Variants in COMMD1 observed in about 807,000 individuals in gnomAD.
COMMD1 encodes the protein COMM domain-containing protein 1.
In COMMD1, 10 loss-of-function variants were observed where a neutral mutation model predicts 17.2. That is an observed-to-expected ratio of 0.58 (90% CI 0.36 to 0.99). The LOEUF (loss-of-function observed/expected upper bound fraction) is 0.99, where lower values mean the gene tolerates loss of function less well. COMMD1 is among the 50% of genes least tolerant of loss of function. COMMD1 has a pLI of 0.01. For missense variants in COMMD1, 270 were observed against 231.8 expected (o/e 1.17, Z -1.07); for synonymous variants, 97 against 91.6 (o/e 1.06, Z -0.34).
intron 2 of COMMD1, among the ~76,000 whole-genome samples, chr2:62,104,282 A>T (rs1277752243): frequency 6.6e-6 from 1 of 152,200 alleles, no homozygotes; most frequent in Non-Finnish European, 1.5e-5. Flanking sequence ...ACTTGAGGCC[A>T]GGAGCTCACA....
intron 2 of COMMD1, among the ~76,000 whole-genome samples, chr2:62,022,413 TAGCATGAGTCTTCTAATA>T (rs1669634244): frequency 6.6e-6 from 1 of 151,424 alleles, no homozygotes. Context: ...TTAGATATTT[TAGCATGAGTCTTCTAATA>T]TTATTTACCG....
At chr2:62,097,323 G>A (rs113752688) in intron 2 of COMMD1, among the ~76,000 whole-genome samples, 3,685 of 152,152 alleles carry the variant, frequency 0.024, 122 homozygotes, top group African/African-American at 0.069. Flanking sequence ...TCAGGTCTTC[G>A]GGGCTATTGC....
chr2:62,041,218 G>A lies in COMMD1; in HGVS notation c.462+40236G>A, dbSNP rs552177159. On this transcript the variant is annotated intron_variant, in intron 2 of 2. Transcript: ENST00000311832. ...TTTCAGACTGGAACTTCTTTAATTC[G>A]TGGCTTTAGTTTATTTTAAATTAAT... Among the ~76,000 whole-genome samples, 6 of 152,110 alleles carry A rather than the reference G, an allele frequency of 3.9e-5. No individual in the cohort carries two copies. In the South Asian group the frequency reaches 8.3e-4, roughly 21 times the overall value.
intron 1 of COMMD1, among the ~76,000 whole-genome samples, chr2:61,892,073 C>T (rs1400698751): frequency 3.3e-5 from 5 of 151,742 alleles, no homozygotes; most frequent in South Asian, 2.1e-4. Context: ...CCCGGTGATC[C>T]GCCTGCCTTG....
intron 1 of COMMD1, among the ~76,000 whole-genome samples, chr2:61,915,283 T>A (rs1670020935): frequency 6.6e-6 from 1 of 151,996 alleles, no homozygotes; most frequent in Non-Finnish European, 1.5e-5. Context: ...TAGGATTACA[T>A]GCGTGAGCCA....
At chr2:62,030,564 A>G (rs907257613) in intron 2 of COMMD1, among the ~76,000 whole-genome samples, 5 of 152,168 alleles carry the variant, frequency 3.3e-5, no homozygotes, top group Admixed American at 6.5e-5. Context: ...AATTGCCCCT[A>G]TTGGGAACTC....
At chr2:61,992,778 T>C (rs1440697574) in intron 1 of COMMD1, among the ~76,000 whole-genome samples, 1 of 152,110 alleles carries the variant, frequency 6.6e-6, no homozygotes, top group Non-Finnish European at 1.5e-5. Context: ...AGAACCACTG[T>C]TTTGGTTTAT....
chr2:61,904,759 A>G (rs72891742), upstream of COMMD1, among the ~76,000 whole-genome samples: 1 of 152,226 alleles, frequency 6.6e-6, no homozygotes, highest in African/African-American at 2.4e-5. Context: ...GTTTTAGTAT[A>G]TTAACAAGGT....
chr2:61,970,909 G>T (rs950330289), intron 1 of COMMD1, among the ~76,000 whole-genome samples: 1 of 151,798 alleles, frequency 6.6e-6, no homozygotes. Context: ...CCCAGTATTT[G>T]TTTTTTTTGT....
intron 1 of COMMD1, among the ~76,000 whole-genome samples, chr2:61,963,681 C>G (rs1671430654): frequency 6.6e-6 from 1 of 152,130 alleles, no homozygotes; most frequent in Admixed American, 6.5e-5. Flanking sequence ...CTTGGGAACC[C>G]TCAAGCTTGT....
chr2:61,959,171 G>T (rs1354720128), intron 1 of COMMD1, among the ~76,000 whole-genome samples: 2 of 151,918 alleles, frequency 1.3e-5, no homozygotes, highest in African/African-American at 4.8e-5. Flanking sequence ...CTTATTATTT[G>T]TACATTCTCT....
intron 2 of COMMD1, among the ~76,000 whole-genome samples, chr2:62,020,392 C>CTGA (rs1281197443): frequency 3.3e-5 from 5 of 152,188 alleles, no homozygotes; most frequent in Admixed American, 3.3e-4. Flanking sequence ...TTTCCACACT[C>CTGA]TGAGTTTTCT....
intron 1 of COMMD1, among the ~76,000 whole-genome samples, chr2:61,999,061 T>C (rs2103799087): frequency 6.6e-6 from 1 of 152,200 alleles, no homozygotes; most frequent in South Asian, 2.1e-4. Context: ...AGACACAAGG[T>C]GAGCATATGC....
intron 1 of COMMD1, among the ~76,000 whole-genome samples, chr2:61,950,224 C>A (rs1018546079): frequency 6.6e-6 from 1 of 152,064 alleles, no homozygotes; most frequent in Non-Finnish European, 1.5e-5. Context: ...GGTCATAGGT[C>A]CTGGGATTTC....
intron 2 of COMMD1, among the ~76,000 whole-genome samples, chr2:62,062,954 C>T (rs1670908110): frequency 6.6e-6 from 1 of 151,994 alleles, no homozygotes; most frequent in South Asian, 2.1e-4. Flanking sequence ...CATGGTGGCT[C>T]ATGCCTGTAA....
At chr2:62,131,106 C>T (rs529833521) in intron 2 of COMMD1, among the ~76,000 whole-genome samples, 4 of 152,132 alleles carry the variant, frequency 2.6e-5, no homozygotes, top group Non-Finnish European at 5.9e-5. Context: ...CGGATTTTGT[C>T]ATAGGATTTT....
chr2:62,012,064 C>G (rs1452636221), intron 2 of COMMD1, among the ~76,000 whole-genome samples: 1 of 151,872 alleles, frequency 6.6e-6, no homozygotes, highest in African/African-American at 2.4e-5. Context: ...CCTGGCCAAC[C>G]TGGTGAAACT....
chr2:62,011,777 T>C (rs1239754626), intron 2 of COMMD1, among the ~76,000 whole-genome samples: 1 of 152,168 alleles, frequency 6.6e-6, no homozygotes, highest in Non-Finnish European at 1.5e-5. Flanking sequence ...ATGGAATGGC[T>C]ATCTTTACCC....
At chr2:62,005,431 G>C (rs1268873007) in intron 2 of COMMD1, among the ~76,000 whole-genome samples, 3 of 151,922 alleles carry the variant, frequency 2.0e-5, no homozygotes, top group Non-Finnish European at 4.4e-5. Context: ...GGTCTAAAAA[G>C]TAACATTTGA....
Sources: allele counts gnomAD v4.1 joint callset (sites outside exome capture counted in the v4.1 genomes callset), GRCh38; gene constraint gnomAD v4.1.1; transcripts MANE v1.5; gene names NCBI Gene and HGNC (gene_info 2026-07-23, HGNC 2026-07-21).